Variants in ARHGEF26 observed in about 807,000 individuals in gnomAD.
ARHGEF26 encodes the protein Rho guanine nucleotide exchange factor (GEF) 26.
ARHGEF26 carries 59 observed loss-of-function variants against 89.4 expected under a neutral mutation model. The observed-to-expected ratio is 0.66, with a 90% CI of 0.54 to 0.82. The LOEUF (loss-of-function observed/expected upper bound fraction) is 0.82, where lower values mean the gene tolerates loss of function less well. Among genes scored for constraint, ARHGEF26 ranks in the 40% least tolerant of loss-of-function variants. The pLI is 0.00. For synonymous variants in ARHGEF26, 500 were observed against 428.4 expected, an observed-to-expected ratio of 1.17 and a Z score of -2.06; for missense variants, 1,234 against 1,085.6, an observed-to-expected ratio of 1.14 and a Z score of -1.92.
intron 12 of ARHGEF26, among the ~76,000 whole-genome samples, chr3:154,246,544 A>G (rs1717809917): frequency 6.6e-6 from 1 of 152,222 alleles, no homozygotes; most frequent in Admixed American, 6.5e-5. Context: ...CTTGGTCTGC[A>G]ATGGATTCAA....
rs142191516 is a variant in ARHGEF26, at chr3:154,239,299, AGTGT to A, written c.2091-1032_2091-1029del. Among the ~76,000 whole-genome samples the A allele has an allele frequency of 5.9e-3, 379 of 64,158 alleles. 1 individual carries two copies. The highest frequency in any genetic ancestry group is 0.015 in the Middle Eastern group (1 of 68). 42.1% of individuals were successfully genotyped at this position (64,158 alleles called of 152,430 possible). A position where few individuals can be genotyped will look rare whatever the true frequency, so the allele number is the denominator to read the frequency against. ...GAGAGAGAGAGAGAGAGAGAGAGAG[AGTGT>A]GTGTGTGTGTGTGTGTGTGTGTGTG... is the stretch of plus-strand genomic sequence containing the variant. On this transcript the variant is annotated intron_variant, in intron 11 of 14. Coordinates refer to ENST00000465093, the MANE Select transcript of ARHGEF26 (RefSeq NM_015595.4).
At chr3:154,125,802 T>C (rs780398732) in intron 3 of ARHGEF26, among the ~76,000 whole-genome samples, 12 of 152,138 alleles carry the variant, frequency 7.9e-5, no homozygotes, top group Admixed American at 5.9e-4. Context: ...TACATACATA[T>C]GTACATGAGG....
intron 2 of ARHGEF26, 34 bp downstream of exon 2, chr3:154,123,109 C>T (rs7630182): frequency 6.2e-7 from 1 of 1,608,678 alleles, no homozygotes; most frequent in Non-Finnish European, 8.5e-7. Context: ...ACGCCATTCA[C>T]TAAGCGGAAA....
chr3:154,230,628 T>C (rs1716774397), intron 11 of ARHGEF26, among the ~76,000 whole-genome samples: 1 of 152,194 alleles, frequency 6.6e-6, no homozygotes, highest in Non-Finnish European at 1.5e-5. Flanking sequence ...CATTAGCTAA[T>C]CTAGCATCAG....
In ARHGEF26 at chr3:154,122,787, C is replaced by T. The variant is rs1194251862; in HGVS notation, c.795C>T (p.Asn265=). 13 of 1,610,902 alleles carry T rather than the reference C, an allele frequency of 8.1e-6. No individual in the cohort carries two copies. In the East Asian group the frequency reaches 2.5e-4, roughly 30 times the overall value. ...CGGAAATTAAAATAAGTAAATCCAA[C>T]AATCAAAATGTGGAGCCCCACAAGA... ...LASEIKISKS[N]NQNVEPHKRL... The change falls in exon 2 of 15, where the codon AAC becomes AAT. Residue 265 remains asparagine (N), a synonymous_variant. Coordinates refer to ENST00000465093, the MANE Select transcript of ARHGEF26 (RefSeq NM_015595.4).
intron 9 of ARHGEF26, among the ~76,000 whole-genome samples, chr3:154,215,312 C>T (rs1291254077): frequency 5.9e-5 from 9 of 152,156 alleles, no homozygotes; most frequent in East Asian, 1.9e-4. Context: ...GCTTAAATGA[C>T]CTCTCAGGAG....
chr3:154,139,430 G>A (rs1024776277), intron 4 of ARHGEF26, among the ~76,000 whole-genome samples: 3 of 152,160 alleles, frequency 2.0e-5, no homozygotes, highest in African/African-American at 7.2e-5. Flanking sequence ...TTTCTTTTGG[G>A]GAGTTGGAAG....
At chr3:154,248,568 C>CA (rs2108295750) in intron 12 of ARHGEF26, among the ~76,000 whole-genome samples, 1 of 152,034 alleles carries the variant, frequency 6.6e-6, no homozygotes, top group South Asian at 2.1e-4. Flanking sequence ...TAGTGCCTGT[C>CA]AAAGGATCTG....
intron 4 of ARHGEF26, among the ~76,000 whole-genome samples, chr3:154,131,133 G>A (rs888558236): frequency 2.6e-5 from 4 of 152,136 alleles, no homozygotes; most frequent in African/African-American, 7.2e-5. Flanking sequence ...CACAGTGTCA[G>A]GGGAAGTAGA....
intron 6 of ARHGEF26, among the ~76,000 whole-genome samples, chr3:154,171,353 G>A (rs1712425423): frequency 1.3e-5 from 2 of 152,126 alleles, no homozygotes; most frequent in Admixed American, 1.3e-4. Context: ...AATTGATGAA[G>A]CTACATTGAC....
At chr3:154,239,722 G>C (rs1195994285) in intron 11 of ARHGEF26, among the ~76,000 whole-genome samples, 1 of 152,162 alleles carries the variant, frequency 6.6e-6, no homozygotes, top group Non-Finnish European at 1.5e-5. Flanking sequence ...GTGGAAAAAA[G>C]TGGGGCCAGA....
chr3:154,162,318 G>A (rs1391529528), intron 6 of ARHGEF26, among the ~76,000 whole-genome samples: 1 of 152,112 alleles, frequency 6.6e-6, no homozygotes, highest in Non-Finnish European at 1.5e-5. Flanking sequence ...GAAGGGAGAT[G>A]GTTGATGAAT....
chr3:154,122,049 G>T lies in ARHGEF26; in HGVS notation c.57G>T (p.Arg19=). 9.9e-6 allele frequency: 16 copies of T among 1,611,686 alleles called. No homozygotes were observed. The highest frequency in any genetic ancestry group is 1.4e-5 in the Non-Finnish European group (16 of 1,178,184). Residue 19 remains arginine, a synonymous_variant, in exon 2 of 15, where the codon CGG becomes CGT. Coordinates refer to ENST00000465093, the MANE Select transcript of ARHGEF26 (RefSeq NM_015595.4). ...GCAACAGCATAACCCCTTTGTGGCG[G>T]AGGCGGTCGATTCCTCAGCCCCACC... ...FSSNSITPLW[R]RRSIPQPHQV...
intron 9 of ARHGEF26, among the ~76,000 whole-genome samples, chr3:154,202,262 T>A (rs1217657056): frequency 2.0e-5 from 3 of 152,154 alleles, no homozygotes; most frequent in Non-Finnish European, 4.4e-5. Flanking sequence ...TAAATAGGGA[T>A]TCCTTTCCCT....
intron 6 of ARHGEF26, among the ~76,000 whole-genome samples, chr3:154,160,441 A>G (rs1711587888): frequency 1.3e-5 from 2 of 152,226 alleles, no homozygotes; most frequent in Non-Finnish European, 1.5e-5. Flanking sequence ...ATGACTGATT[A>G]GAGACATGCA....
At chr3:154,194,008 T>C (rs1559890105) in intron 8 of ARHGEF26, among the ~76,000 whole-genome samples, 1 of 152,028 alleles carries the variant, frequency 6.6e-6, no homozygotes, top group South Asian at 2.1e-4. Context: ...CTAATTTTCT[T>C]TTAGTATTTT....
intron 4 of ARHGEF26, among the ~76,000 whole-genome samples, chr3:154,143,732 A>G (rs1170592638): frequency 6.6e-6 from 1 of 152,180 alleles, no homozygotes; most frequent in South Asian, 2.1e-4. Context: ...CCAGTATTTT[A>G]TTAAATAGTG....
At chr3:154,169,980 C>G (rs1054277365) in intron 6 of ARHGEF26, among the ~76,000 whole-genome samples, 2 of 152,082 alleles carry the variant, frequency 1.3e-5, no homozygotes, top group African/African-American at 4.8e-5. Flanking sequence ...CAGAAGTAGT[C>G]AGCTTCCTGC....
At chr3:154,158,385 A>C (rs1711503198) in intron 6 of ARHGEF26, among the ~76,000 whole-genome samples, 1 of 152,324 alleles carries the variant, frequency 6.6e-6, no homozygotes, top group African/African-American at 2.4e-5. Flanking sequence ...TTTGTTTTCT[A>C]ACCCTCCTTA....
Sources: gnomAD v4.1 joint callset for allele counts (sites outside exome capture counted in the v4.1 genomes callset) on GRCh38, gnomAD v4.1.1 for gene constraint, MANE v1.5 for transcripts, NCBI Gene and HGNC (gene_info 2026-07-23, HGNC 2026-07-21) for gene names.